The following SPATA13 variants were observed in gnomAD, a reference collection of about 807,000 sequenced individuals.
The protein encoded by SPATA13 is spermatogenesis-associated protein 13.
A neutral mutation model predicts 104.0 loss-of-function variants in SPATA13; 50 were observed. The observed-to-expected ratio is 0.48, with a 90% CI of 0.38 to 0.61. The LOEUF is 0.61. SPATA13 is among the 20% of genes least tolerant of loss of function. The probability of loss-of-function intolerance (pLI) is 0.00; values close to 1 mark genes in which losing one functional copy is unlikely to be tolerated. For synonymous variants in SPATA13, 606 were observed against 667.5 expected, an observed-to-expected ratio of 0.91 and a Z score of 1.42; for missense variants, 1,524 against 1,690.6, an observed-to-expected ratio of 0.90 and a Z score of 1.73.
chr13:24,097,249 A>C (rs1410756950), intron 3 of SPATA13, among the ~76,000 whole-genome samples: 1 of 152,150 alleles, frequency 6.6e-6, no homozygotes, highest in Non-Finnish European at 1.5e-5. Flanking sequence ...TGTGCTAAAC[A>C]TGTTGCATCA....
chr13:24,267,560 C>A (rs1334040903), intron 4 of SPATA13, among the ~76,000 whole-genome samples: 1 of 152,064 alleles, frequency 6.6e-6, no homozygotes, highest in Non-Finnish European at 1.5e-5. Flanking sequence ...CTACCAAGTT[C>A]TAAGAAAATG....
chr13:24,289,078 A>T lies in SPATA13; in HGVS notation c.2747A>T (p.Asp916Val). 1 of 1,614,040 alleles carries T rather than the reference A, an allele frequency of 6.2e-7. No homozygotes were observed. The highest frequency in any genetic ancestry group is 8.5e-7 in the Non-Finnish European group (1 of 1,179,974). ...QLATIFGNIE[D>V]IYKFQRKFLK... ...GCCACTATTTTTGGAAACATTGAAG[A>T]TATTTACAAATTCCAAAGAAAGTTT... is the stretch of plus-strand genomic sequence containing the variant. Residue 916 changes from aspartate (D) to valine (V), a missense_variant, in exon 8 of 13, where the codon GAT (aspartate) becomes GTT (valine). Coordinates refer to ENST00000382108, the MANE Select transcript of SPATA13 (RefSeq NM_001166271.3).
At chr13:24,251,888 C>T (rs1428715141) in intron 4 of SPATA13, 26 bp downstream of exon 4, 1 of 1,606,960 alleles carries the variant, frequency 6.2e-7, no homozygotes, top group Admixed American at 1.7e-5. Context: ...CCTTTCCTTT[C>T]AGAGCTGCTA....
chr13:24,219,882 TAG>T (rs1871473765), intron 1 of SPATA13, among the ~76,000 whole-genome samples: 1 of 152,156 alleles, frequency 6.6e-6, no homozygotes, highest in African/African-American at 2.4e-5. Context: ...CTACTTACTG[TAG>T]AGTGATCAGT....
chr13:24,240,298 T>C (rs1022407846), intron 2 of SPATA13, among the ~76,000 whole-genome samples: 3 of 152,174 alleles, frequency 2.0e-5, no homozygotes, highest in Non-Finnish European at 2.9e-5. Context: ...TTTTGTTTTC[T>C]CTACCTGGAT....
At chr13:24,195,827 A>G (rs1481595925) in intron 1 of SPATA13, among the ~76,000 whole-genome samples, 3 of 152,216 alleles carry the variant, frequency 2.0e-5, no homozygotes, top group African/African-American at 7.2e-5. Flanking sequence ...AACACCTGTT[A>G]ACAAGTTGAC....
intron 3 of SPATA13, among the ~76,000 whole-genome samples, chr13:24,251,047 G>A (rs897664462): frequency 5.3e-5 from 8 of 152,178 alleles, no homozygotes; most frequent in African/African-American, 1.4e-4. Flanking sequence ...TCTAAGGAAC[G>A]TATAAAGCAA....
chr13:24,158,375 C>T (rs531974908), upstream of SPATA13, among the ~76,000 whole-genome samples: 16 of 152,254 alleles, frequency 1.1e-4, no homozygotes, highest in Admixed American at 3.9e-4. Context: ...TACACAGAGG[C>T]CACATTGTGA....
intron 1 of SPATA13, among the ~76,000 whole-genome samples, chr13:24,196,641 T>C (rs1870072531): frequency 6.6e-6 from 1 of 151,892 alleles, no homozygotes; most frequent in Admixed American, 6.6e-5. Context: ...GAGGATGAGG[T>C]GGGAGGATCA....
At chr13:24,189,785 A>AATATAATAAATATATATTTATATAAT (rs1869454521) in intron 1 of SPATA13, among the ~76,000 whole-genome samples, 1 of 22,762 alleles carries the variant, frequency 4.4e-5, no homozygotes, top group African/African-American at 7.0e-5. Context: ...ATATATTTAT[A>AATATAATAAATATATATTTATATAAT]ATATAATAAA....
chr13:24,178,769 C>T (rs1868603191), intron 1 of SPATA13, among the ~76,000 whole-genome samples: 1 of 152,102 alleles, frequency 6.6e-6, no homozygotes, highest in South Asian at 2.1e-4. Context: ...TTTTTTTTAA[C>T]AGCTTTATTG....
chr13:24,270,838 G>C, intron 4 of SPATA13: 1 of 1,612,830 alleles, frequency 6.2e-7, no homozygotes. Flanking sequence ...TCTGAAGGTT[G>C]CCGTTTTCCA....
intron 4 of SPATA13, among the ~76,000 whole-genome samples, chr13:24,268,667 G>A (rs572147859): frequency 2.4e-4 from 37 of 152,278 alleles, no homozygotes; most frequent in South Asian, 6.2e-4. Flanking sequence ...GCTGAGGCAG[G>A]AGAATCACTT....
chr13:24,143,306 G>A (rs9511086), intron 3 of SPATA13, among the ~76,000 whole-genome samples: 46,541 of 151,962 alleles, frequency 0.31, 7,249 homozygotes, highest in Non-Finnish European at 0.33. Flanking sequence ...GGGAACCTAC[G>A]TTGCCCCTTC....
At chr13:23,986,540 C>T (rs1461647678) in intron 2 of SPATA13, among the ~76,000 whole-genome samples, 1 of 152,182 alleles carries the variant, frequency 6.6e-6, no homozygotes, top group Non-Finnish European at 1.5e-5. Flanking sequence ...ACCCCTTGGC[C>T]TTTTATCCAG....
chr13:24,056,126 C>T (rs1878533872), intron 3 of SPATA13, among the ~76,000 whole-genome samples: 1 of 152,122 alleles, frequency 6.6e-6, no homozygotes, highest in African/African-American at 2.4e-5. Flanking sequence ...ATGAAGGGCA[C>T]CCCTCAGAAT....
At chr13:24,115,359 C>G (rs1264616166) in intron 3 of SPATA13, among the ~76,000 whole-genome samples, 1 of 152,236 alleles carries the variant, frequency 6.6e-6, no homozygotes, top group African/African-American at 2.4e-5. Flanking sequence ...TGGTCCATGG[C>G]TTGTTAGGAA....
chr13:24,165,237 C>T (rs970767264), intron 1 of SPATA13, among the ~76,000 whole-genome samples: 1 of 152,158 alleles, frequency 6.6e-6, no homozygotes, highest in Non-Finnish European at 1.5e-5. Context: ...AGAGCGCAGA[C>T]ATTGTCACTT....
rs549335969 is a variant in SPATA13, at chr13:24,241,221, T to C, written c.1654-8256T>C. 7.9e-5 allele frequency among the ~76,000 whole-genome samples: 12 copies of C among 152,324 alleles called. No homozygotes were observed. In the East Asian group the frequency reaches 2.1e-3, roughly 27 times the overall value. On this transcript the variant is annotated intron_variant, in intron 2 of 12. Transcript: ENST00000382108. ...ATTATTTATTTTTACCTACAAGCCA[T>C]AGAAAGAGTAACCCAGTAAATGATG...
Sources: gnomAD v4.1 joint callset for allele counts (sites outside exome capture counted in the v4.1 genomes callset) on GRCh38, gnomAD v4.1.1 for gene constraint, MANE v1.5 for transcripts, NCBI Gene and HGNC (gene_info 2026-07-23, HGNC 2026-07-21) for gene names.